Variants in GRIN2B observed in about 807,000 individuals in gnomAD.
GRIN2B encodes the protein glutamate ionotropic receptor NMDA type subunit 2B.
GRIN2B carries 5 observed loss-of-function variants against 114.5 expected under a neutral mutation model. The observed-to-expected ratio is 0.04, with a 90% CI of 0.02 to 0.09. The LOEUF (loss-of-function observed/expected upper bound fraction) is 0.09. Among genes scored for constraint, GRIN2B ranks in the 10% least tolerant of loss-of-function variants. The probability of loss-of-function intolerance (pLI) is 1.00; values close to 1 mark genes in which losing one functional copy is unlikely to be tolerated. For missense variants in GRIN2B, 1,108 were observed against 1,943.5 expected (o/e 0.57, Z 8.08); for synonymous variants, 787 against 745.1 (o/e 1.06, Z -0.92).
rs1310287696 is a variant in GRIN2B at position 13,547,624 on chromosome 12, G to A, written c.*15159C>T. ...ACAATAATTGGCCTAGGAGATGGGA[G>A]TTTTGTTCTTGGTCTTAGTTGTCTC... On this transcript the variant is annotated 3_prime_UTR_variant, in exon 14 of 14. Transcript: ENST00000609686. 6.6e-6 allele frequency: 1 copy of A among 152,116 alleles called. No homozygotes were observed. The highest frequency in any genetic ancestry group is 1.9e-4 in the East Asian group (1 of 5,176). The allele number at this position is 152,116 out of a possible 1,614,324, so 9.4% of individuals were successfully genotyped here. A position where few individuals can be genotyped will look rare whatever the true frequency, so the allele number is the denominator to read the frequency against.
chr12:13,687,674 T>C (rs1305581344), intron 4 of GRIN2B, among the ~76,000 whole-genome samples: 1 of 152,240 alleles, frequency 6.6e-6, no homozygotes, highest in Non-Finnish European at 1.5e-5. Flanking sequence ...GCTTTAAAAC[T>C]GTTACAGCTT....
At chr12:13,664,360 A>C (rs992774431) in intron 5 of GRIN2B, among the ~76,000 whole-genome samples, 2 of 152,158 alleles carry the variant, frequency 1.3e-5, no homozygotes, top group African/African-American at 2.4e-5. Flanking sequence ...ATGTTTCCCA[A>C]ATTTCATTCA....
chr12:13,586,678 C>A (rs1248288149), intron 10 of GRIN2B, among the ~76,000 whole-genome samples: 1 of 152,226 alleles, frequency 6.6e-6, no homozygotes, highest in Non-Finnish European at 1.5e-5. Context: ...CAGTTCTCTT[C>A]TGAAATACCT....
intron 4 of GRIN2B, among the ~76,000 whole-genome samples, chr12:13,738,304 G>A (rs1246533256): frequency 6.6e-6 from 1 of 152,160 alleles, no homozygotes; most frequent in Non-Finnish European, 1.5e-5. Context: ...CCAAAATTTA[G>A]CAAAGCATCA....
At chr12:13,628,987 A>C (rs1486146103) in intron 5 of GRIN2B, among the ~76,000 whole-genome samples, 1 of 152,216 alleles carries the variant, frequency 6.6e-6, no homozygotes, top group Non-Finnish European at 1.5e-5. Flanking sequence ...AAGAGGTCAA[A>C]GTCATTTAAA....
intron 5 of GRIN2B, among the ~76,000 whole-genome samples, chr12:13,619,580 T>G (rs1270138697): frequency 1.3e-5 from 2 of 152,238 alleles, no homozygotes; most frequent in African/African-American, 4.8e-5. Context: ...GGTAATATCC[T>G]TACTTCAAGT....
At chr12:13,791,663 G>A (rs1022786194) in intron 3 of GRIN2B, among the ~76,000 whole-genome samples, 4 of 151,920 alleles carry the variant, frequency 2.6e-5, no homozygotes, top group African/African-American at 9.7e-5. Flanking sequence ...TATGAGGTAG[G>A]AATTTTTTAA....
At chr12:13,951,539 TC>T (rs1211090906) in intron 2 of GRIN2B, among the ~76,000 whole-genome samples, 10 of 152,208 alleles carry the variant, frequency 6.6e-5, no homozygotes, top group African/African-American at 1.7e-4. Context: ...GCTTACTGCA[TC>T]CAAAAGCCAA....
intron 2 of GRIN2B, among the ~76,000 whole-genome samples, chr12:13,956,692 C>T (rs1309111535): frequency 1.3e-5 from 2 of 152,172 alleles, no homozygotes; most frequent in African/African-American, 4.8e-5. Context: ...CCAGTAAGCC[C>T]GTGAGCCACA....
At chr12:13,679,476 C>T (rs577602951) in intron 4 of GRIN2B, among the ~76,000 whole-genome samples, 23 of 152,266 alleles carry the variant, frequency 1.5e-4, no homozygotes, top group African/African-American at 5.5e-4. Flanking sequence ...TTCTGGGGTG[C>T]TCCTCCTCTT....
At chr12:13,657,441 G>A (rs1482651446) in intron 5 of GRIN2B, among the ~76,000 whole-genome samples, 4 of 152,190 alleles carry the variant, frequency 2.6e-5, no homozygotes, top group African/African-American at 4.8e-5. Context: ...GGGAATCCCA[G>A]GAGGGCAGTG....
intron 3 of GRIN2B, among the ~76,000 whole-genome samples, chr12:13,761,119 C>G (rs556465796): frequency 3.1e-4 from 47 of 152,282 alleles, no homozygotes; most frequent in African/African-American, 9.9e-4. Context: ...TTCTTTAAAC[C>G]CTTGCACACA....
chr12:13,605,551 T>TCTCTCTCTCTCTCACACACA, intron 10 of GRIN2B, among the ~76,000 whole-genome samples: 5 of 30,440 alleles, frequency 1.6e-4, no homozygotes, highest in Admixed American at 3.8e-4. Context: ...TCTCTCTCTC[T>TCTCTCTCTCTCTCACACACA]GACACACACA....
Position 13,735,853 on chromosome 12 carries a change from GA to G in GRIN2B, c.1010+17463del, listed in dbSNP as rs1863168857. 3.3e-5 allele frequency among the ~76,000 whole-genome samples: 5 copies of G among 152,062 alleles called. No homozygotes were observed. In the South Asian group the frequency reaches 1.0e-3, roughly 32 times the overall value. On this transcript the variant is annotated intron_variant, in intron 4 of 13. Coordinates refer to ENST00000609686, the MANE Select transcript of GRIN2B (RefSeq NM_000834.5). ...GACAGCTGGGACAACCGAGTGTGGAGAAGTAGGATCCTTTCCCAGGGTTCGG... is the reference window on the plus strand; with the variant it reads ...GACAGCTGGGACAACCGAGTGTGGAGAGTAGGATCCTTTCCCAGGGTTCGG...
intron 4 of GRIN2B, among the ~76,000 whole-genome samples, chr12:13,723,069 G>A (rs182442161): frequency 1.4e-4 from 22 of 152,126 alleles, no homozygotes; most frequent in South Asian, 1.2e-3. Context: ...TGCTGGAGAC[G>A]TGCATATATG....
intron 3 of GRIN2B, among the ~76,000 whole-genome samples, chr12:13,803,989 C>A (rs1864559148): frequency 6.6e-6 from 1 of 152,128 alleles, no homozygotes. Flanking sequence ...ATATGAATTG[C>A]CACTTCACTA....
chr12:13,614,015 G>A (rs113927747), intron 8 of GRIN2B, among the ~76,000 whole-genome samples: 696 of 24,680 alleles, frequency 0.028, 5 homozygotes, highest in African/African-American at 0.1. Flanking sequence ...TCCTTGCACA[G>A]CAAAAAAAAA....
intron 4 of GRIN2B, among the ~76,000 whole-genome samples, chr12:13,703,451 C>T (rs1426159072): frequency 6.6e-6 from 1 of 152,088 alleles, no homozygotes. Flanking sequence ...GTAGAGACAA[C>T]CCACATTATT....
rs180820708 is a variant in GRIN2B, at chr12:13,644,425, T to C, written c.1126-27768A>G. On this transcript the variant is annotated intron_variant, in intron 5 of 13. Coordinates refer to ENST00000609686, the MANE Select transcript of GRIN2B (RefSeq NM_000834.5). ...GATGTGCTCTCATCCAGGCCCTGTT[T>C]TTCCATTGATAGAGCATGGATAGAG... Among the ~76,000 whole-genome samples the C allele has an allele frequency of 2.2e-4, 33 of 152,298 alleles. No individual in the cohort carries two copies. In the East Asian group the frequency reaches 6.0e-3, roughly 28 times the overall value.
Sources: allele counts gnomAD v4.1 joint callset (sites outside exome capture counted in the v4.1 genomes callset), GRCh38; gene constraint gnomAD v4.1.1; transcripts MANE v1.5; gene names NCBI Gene and HGNC (gene_info 2026-07-23, HGNC 2026-07-21).